The following PECR variants were observed in gnomAD, a reference collection of about 807,000 sequenced individuals.
PECR encodes the protein 2,4-dienoyl-CoA reductase-related protein.
A neutral mutation model predicts 35.3 loss-of-function variants in PECR; 30 were observed. The ratio of observed to expected loss-of-function variants is 0.85; its 90% confidence interval spans 0.64 to 1.15. The LOEUF is 1.15. Among genes scored for constraint, PECR ranks in the 50% most tolerant of loss-of-function variants. The pLI is 0.00. For missense variants in PECR, 392 were observed against 370.8 expected (o/e 1.06, Z -0.47); for synonymous variants, 148 against 138.9 (o/e 1.07, Z -0.46).
At position 216,060,608 on chromosome 2, in the gene PECR, G is replaced by C. The variant is rs75904823; in HGVS notation, c.425-1632C>G. On this transcript the variant is annotated intron_variant, in intron 3 of 7. Transcript: ENST00000265322. ...ACCCCAGGAGTTCAAGGTTGCAGTGGGCTATGCAGCCTTGAACCACTACTC... is the reference window on the plus strand; with the variant it reads ...ACCCCAGGAGTTCAAGGTTGCAGTGCGCTATGCAGCCTTGAACCACTACTC... 8.6e-3 allele frequency among the ~76,000 whole-genome samples: 1,306 copies of C among 152,194 alleles called. 27 individuals carry two copies. Among genetic ancestry groups the C allele is most frequent in the African/African-American group, 0.03 (1,231 of 41,506 alleles).
chr2:216,042,981 ATATATATATACATACGTATATG>A (rs1574676317), intron 7 of PECR, among the ~76,000 whole-genome samples: 2 of 143,018 alleles, frequency 1.4e-5, no homozygotes, highest in South Asian at 2.1e-4. Flanking sequence ...GTATATGTGT[ATATATATATACATACGTATATG>A]TGTATATATA....
intron 3 of PECR, among the ~76,000 whole-genome samples, chr2:216,059,781 C>G (rs776098213): frequency 6.6e-6 from 1 of 152,132 alleles, no homozygotes; most frequent in Non-Finnish European, 1.5e-5. Flanking sequence ...ATATATCTAG[C>G]CTATGTCAGT....
chr2:216,033,683 C>G (rs1477416383), downstream of PECR: 1 of 152,368 alleles, frequency 6.6e-6, no homozygotes, highest in African/African-American at 2.4e-5. Flanking sequence ...GTGGGCCTAC[C>G]TATCTTGGAG....
downstream of PECR, among the ~76,000 whole-genome samples, chr2:216,037,340 C>T (rs1694810568): frequency 6.6e-6 from 1 of 152,180 alleles, no homozygotes; most frequent in Non-Finnish European, 1.5e-5. Context: ...CAGGTTCTGT[C>T]CCTTAAGCAG....
rs5838567 is a variant in PECR, at chr2:216,061,970, A to ATGTGTG, written c.425-3000_425-2995dup. On this transcript the variant is annotated intron_variant, in intron 3 of 7. Coordinates refer to ENST00000265322, the MANE Select transcript of PECR (RefSeq NM_018441.6). ...TTATTTAAAACGAGTGTGTGTGAGT[A>ATGTGTG]TGTGTGTGTGTGTGCATGATTGTAG... Among the ~76,000 whole-genome samples, 95 of 150,540 alleles carry ATGTGTG rather than the reference A, an allele frequency of 6.3e-4. 1 individual carries two copies. Among genetic ancestry groups the ATGTGTG allele is most frequent in the African/African-American group, 2.0e-3 (81 of 41,004 alleles).
In PECR at chr2:216,067,015, G is replaced by C. The variant is rs552799349; in HGVS notation, c.125-497C>G. Among the ~76,000 whole-genome samples, 5 of 152,248 alleles carry C rather than the reference G, an allele frequency of 3.3e-5. No individual in the cohort carries two copies. The South Asian group carries it at 1.0e-3, about 32-fold the overall frequency. ...TGGCACTGGACATCTAGTAGCACTG[G>C]ATGGTCATCTCTGGGACAGTGAAAT... is the stretch of plus-strand genomic sequence containing the variant. On this transcript the variant is annotated intron_variant, in intron 1 of 7. Coordinates refer to ENST00000265322, the MANE Select transcript of PECR (RefSeq NM_018441.6).
At chr2:216,045,472 G>C (rs1451860560) in intron 6 of PECR, among the ~76,000 whole-genome samples, 4 of 152,204 alleles carry the variant, frequency 2.6e-5, no homozygotes, top group African/African-American at 9.7e-5. Context: ...TTTCCATGTT[G>C]ATTACATGTT....
intron 4 of PECR, chr2:216,057,968 A>G (rs1695261257): frequency 6.6e-6 from 1 of 152,186 alleles, no homozygotes. Context: ...AACTCTTGCT[A>G]GTACTCGCCT....
At chr2:216,073,166 A>C (rs559748227) in intron 1 of PECR, among the ~76,000 whole-genome samples, 2 of 152,312 alleles carry the variant, frequency 1.3e-5, no homozygotes, top group South Asian at 4.1e-4. Flanking sequence ...ATGTGCAACA[A>C]AAACATACGT....
At chr2:216,043,065 ATG>A (rs1694924223) in intron 7 of PECR, among the ~76,000 whole-genome samples, 1 of 46,064 alleles carries the variant, frequency 2.2e-5, no homozygotes, top group South Asian at 5.6e-4. Flanking sequence ...ATACGTATAT[ATG>A]TATGTATATA....
At chr2:216,038,016 T>C (rs13402052), downstream of PECR, among the ~76,000 whole-genome samples, 20,721 of 128,352 alleles carry the variant, frequency 0.16, 1,730 homozygotes, top group African/African-American at 0.26. Context: ...ACCCAGGAGG[T>C]GGAGGTTGTG....
downstream of PECR, among the ~76,000 whole-genome samples, chr2:216,035,066 AG>A (rs1477160369): frequency 6.6e-6 from 1 of 152,234 alleles, no homozygotes; most frequent in African/African-American, 2.4e-5. Flanking sequence ...AATGGGCCAC[AG>A]GACGGCCAGT....
At chr2:216,060,972 A>G (rs1435745887) in intron 3 of PECR, among the ~76,000 whole-genome samples, 2 of 151,944 alleles carry the variant, frequency 1.3e-5, no homozygotes, top group East Asian at 3.9e-4. Context: ...GCATCTTCCA[A>G]TTCTGAAACT....
chr2:216,076,336 G>GCATGTGCCATGCCACCA (rs1350207819), intron 1 of PECR, among the ~76,000 whole-genome samples: 2 of 152,150 alleles, frequency 1.3e-5, no homozygotes, highest in Non-Finnish European at 2.9e-5. Context: ...GGGACTACAA[G>GCATGTGCCATGCCACCA]CATGTGCCAT....
rs1042481586 is a variant in PECR at position 216,065,192 on chromosome 2, G to T, written c.424+120C>A. On this transcript the variant is annotated intron_variant, in intron 3 of 7. Transcript: ENST00000265322. ...GAAATGTACCAATTTACATTCCTAT[G>T]TTGTAAGTGAGAAAATCCAGCCAAT... The T allele has an allele frequency of 1.4e-5, 11 of 788,912 alleles. No homozygotes were observed. The African/African-American group carries it at 1.7e-4, about 12-fold the overall frequency. 48.9% of individuals were successfully genotyped at this position (788,912 alleles called of 1,614,324 possible).
intron 6 of PECR, 63 bp downstream of exon 6, chr2:216,049,200 T>C (rs1329780108): frequency 3.5e-6 from 3 of 846,562 alleles, no homozygotes; most frequent in Non-Finnish European, 6.3e-6. Flanking sequence ...AAAATGACAC[T>C]GAATTACAAA....
At chr2:216,045,012 C>T (rs756507826) in intron 6 of PECR, among the ~76,000 whole-genome samples, 2 of 152,086 alleles carry the variant, frequency 1.3e-5, no homozygotes, top group Non-Finnish European at 2.9e-5. Flanking sequence ...TTTAAAAGGC[C>T]CCCAGGCAGG....
intron 3 of PECR, among the ~76,000 whole-genome samples, chr2:216,064,436 AT>A (rs1222458414): frequency 2.0e-5 from 3 of 152,218 alleles, no homozygotes; most frequent in Non-Finnish European, 4.4e-5. Flanking sequence ...TGGAATGCAG[AT>A]TTGATAGCAA....
At chr2:216,031,550 A>AGAGG (rs1371976375) in intron 7 of PECR, among the ~76,000 whole-genome samples, 1 of 148,416 alleles carries the variant, frequency 6.7e-6, no homozygotes, top group Non-Finnish European at 1.5e-5. Flanking sequence ...AAGGAAGGAA[A>AGAGG]GAGGGAGGGA....
Sources: allele counts gnomAD v4.1 joint callset (sites outside exome capture counted in the v4.1 genomes callset), GRCh38; gene constraint gnomAD v4.1.1; transcripts MANE v1.5; gene names NCBI Gene and HGNC (gene_info 2026-07-23, HGNC 2026-07-21).